SHOC1: variants seen among roughly 807,000 people sequenced by gnomAD.
SHOC1 encodes shortage in chiasmata 1.
In SHOC1, 136 loss-of-function variants were observed where a neutral mutation model predicts 179.2. The ratio of observed to expected loss-of-function variants is 0.76; its 90% confidence interval spans 0.66 to 0.87. SHOC1 has a LOEUF of 0.87. Among genes scored for constraint, SHOC1 ranks in the 40% least tolerant of loss-of-function variants. The pLI is 0.00. For synonymous variants in SHOC1, 489 were observed against 586.6 expected, an observed-to-expected ratio of 0.83 and a Z score of 2.41; for missense variants, 1,538 against 1,700.8, an observed-to-expected ratio of 0.90 and a Z score of 1.68.
At chr9:111,721,489 G>A (rs1331299877) in intron 15 of SHOC1, among the ~76,000 whole-genome samples, 2 of 152,020 alleles carry the variant, frequency 1.3e-5, no homozygotes, top group East Asian at 1.9e-4. Flanking sequence ...ACAGGTGCCC[G>A]CCACCACACC....
chr9:111,738,112 GA>G, intron 12 of SHOC1, 167 bp downstream of exon 12: 1 of 495,634 alleles, frequency 2.0e-6, no homozygotes, highest in Non-Finnish European at 3.4e-6. Flanking sequence ...ATTTTTTCAA[GA>G]AAATGGGACC....
intron 8 of SHOC1, 85 bp from the exon 9 acceptor site, chr9:111,748,284 A>G: frequency 1.1e-6 from 1 of 920,502 alleles, no homozygotes; most frequent in Non-Finnish European, 1.7e-6. Context: ...TTCCTTTTAA[A>G]GTATCTTTAT....
intron 24 of SHOC1, among the ~76,000 whole-genome samples, chr9:111,699,408 G>A (rs1202647903): frequency 6.6e-6 from 1 of 152,140 alleles, no homozygotes; most frequent in African/African-American, 2.4e-5. Flanking sequence ...CTTAAGAAAT[G>A]TCAGGAAAAA....
intron 3 of SHOC1, among the ~76,000 whole-genome samples, chr9:111,785,509 T>G (rs1469569899): frequency 6.6e-6 from 1 of 152,162 alleles, no homozygotes; most frequent in East Asian, 1.9e-4. Flanking sequence ...TGCTACTTCT[T>G]TACTAGTCCA....
chr9:111,765,739 A>G (rs548481418), intron 5 of SHOC1, among the ~76,000 whole-genome samples: 1 of 151,918 alleles, frequency 6.6e-6, no homozygotes, highest in East Asian at 1.9e-4. Context: ...TTTGAGACAG[A>G]GTCTCACTCT....
At chr9:111,714,691 G>T in intron 16 of SHOC1, 68 bp from the exon 17 acceptor site, 2 of 1,357,532 alleles carry the variant, frequency 1.5e-6, no homozygotes, top group South Asian at 1.4e-5. Flanking sequence ...TGGTAAAAAA[G>T]GCTTAAAGAA....
Position 111,686,812 on chromosome 9 carries a change from G to T in SHOC1, c.4485C>A (p.Val1495=). 6.2e-7 allele frequency: 1 copy of T among 1,613,650 alleles called. No homozygotes were observed. The highest frequency in any genetic ancestry group is 1.1e-5 in the South Asian group (1 of 91,068). ...FKKRRLAYEK[V]PGRVDGQTRL... is the part of the protein sequence containing the mutation. ...GAGTCTGCCCATCAACTCTACCAGG[G>T]ACTTTTTCATATGCTAGACGTCGTT... Residue 1495 remains valine, a synonymous_variant, in exon 28 of 28, where the codon GTC becomes GTA. Transcript: ENST00000682961.
intron 16 of SHOC1, among the ~76,000 whole-genome samples, chr9:111,716,265 T>C (rs1310025662): frequency 6.6e-6 from 1 of 151,894 alleles, no homozygotes; most frequent in African/African-American, 2.4e-5. Flanking sequence ...AAGAATTCAG[T>C]CCAAGTATAA....
In SHOC1 at chr9:111,791,435, A is replaced by G; in HGVS notation, c.-17T>C. The stretch of plus-strand genomic sequence containing the variant: ...TGAAAACATATCTTCTTTCTTTCAA[A>G]GCAGTGTAAATTTCAACATCTGGAA... On this transcript the variant is annotated 5_prime_UTR_variant, in exon 2 of 28. Transcript: ENST00000682961. The G allele has an allele frequency of 1.4e-6, 2 of 1,452,496 alleles. No homozygotes were observed. Among genetic ancestry groups the G allele is most frequent in the Non-Finnish European group, 1.8e-6 (2 of 1,094,944 alleles). 90.0% of individuals were successfully genotyped at this position (1,452,496 alleles called of 1,614,324 possible).
chr9:111,787,795 A>G (rs950327067), intron 2 of SHOC1, among the ~76,000 whole-genome samples: 2 of 152,212 alleles, frequency 1.3e-5, no homozygotes, highest in Non-Finnish European at 2.9e-5. Context: ...TGCATGCTAC[A>G]GAGAAATCTT....
intron 11 of SHOC1, among the ~76,000 whole-genome samples, chr9:111,740,949 G>A (rs1415538946): frequency 1.6e-4 from 24 of 152,218 alleles, no homozygotes; most frequent in African/African-American, 5.3e-4. Context: ...GCGCAATGGC[G>A]CCATCTCGGC....
chr9:111,705,423 CTTTTTTTTT>C (rs34081368), intron 20 of SHOC1, 59 bp from the exon 21 acceptor site: 1 of 510,138 alleles, frequency 2.0e-6, no homozygotes, highest in Non-Finnish European at 3.1e-6. Flanking sequence ...AGCTCTTTCT[CTTTTTTTTT>C]TTACTAAACA....
At chr9:111,743,275 A>G (rs1025249098) in intron 10 of SHOC1, among the ~76,000 whole-genome samples, 1 of 152,166 alleles carries the variant, frequency 6.6e-6, no homozygotes, top group Non-Finnish European at 1.5e-5. Context: ...CAGTTGAGAT[A>G]TACAGTAGTT....
intron 1 of SHOC1, among the ~76,000 whole-genome samples, chr9:111,791,679 G>T (rs992003169): frequency 2.6e-5 from 4 of 152,142 alleles, no homozygotes; most frequent in Non-Finnish European, 2.9e-5. Flanking sequence ...CTGTTAGTTG[G>T]TTGGTGGAAA....
chr9:111,789,745 T>C (rs315705), intron 2 of SHOC1, among the ~76,000 whole-genome samples: 122,682 of 152,140 alleles, frequency 0.81, 49,638 homozygotes, highest in East Asian at 0.92. Flanking sequence ...AACCAAAATA[T>C]CGTGGGCAAA....
At chr9:111,743,245 T>G (rs1285767672) in intron 10 of SHOC1, among the ~76,000 whole-genome samples, 1 of 152,170 alleles carries the variant, frequency 6.6e-6, no homozygotes, top group Non-Finnish European at 1.5e-5. Context: ...TAACACCTTT[T>G]CTCCTTGTTT....
chr9:111,772,564 T>C (rs1396274747), intron 5 of SHOC1, among the ~76,000 whole-genome samples: 1 of 152,216 alleles, frequency 6.6e-6, no homozygotes, highest in Non-Finnish European at 1.5e-5. Flanking sequence ...TTATTGGATA[T>C]ATTTTCTTAG....
At chr9:111,794,108 T>C (rs1488966843) in intron 1 of SHOC1, among the ~76,000 whole-genome samples, 1 of 151,046 alleles carries the variant, frequency 6.6e-6, no homozygotes, top group Non-Finnish European at 1.5e-5. Flanking sequence ...CGCCTCAGCC[T>C]CCCGAAGTGC....
intron 9 of SHOC1, among the ~76,000 whole-genome samples, chr9:111,747,700 C>T (rs912181350): frequency 6.6e-6 from 1 of 152,078 alleles, no homozygotes; most frequent in African/African-American, 2.4e-5. Context: ...CGTGCCTCAG[C>T]CTCCTGAGTG....
Sources: allele counts gnomAD v4.1 joint callset (sites outside exome capture counted in the v4.1 genomes callset), GRCh38; gene constraint gnomAD v4.1.1; transcripts MANE v1.5; gene names NCBI Gene and HGNC (gene_info 2026-07-23, HGNC 2026-07-21).